The following CNBD1 variants were observed in gnomAD, a reference collection of about 807,000 sequenced individuals.
CNBD1 encodes the protein cyclic nucleotide binding domain containing 1.
A neutral mutation model predicts 54.4 loss-of-function variants in CNBD1; 71 were observed. The ratio of observed to expected loss-of-function variants is 1.30; its 90% CI spans 1.08 to 1.59. The LOEUF is 1.59. CNBD1 is among the 40% of genes most tolerant of loss of function. CNBD1 has a pLI of 0.00. For synonymous variants in CNBD1, 182 were observed against 170.7 expected (o/e 1.07, Z -0.51); for missense variants, 659 against 518.0 (o/e 1.27, Z -2.64).
intron 10 of CNBD1, among the ~76,000 whole-genome samples, chr8:87,372,350 GT>G (rs1285180443): frequency 2.0e-5 from 3 of 151,972 alleles, no homozygotes; most frequent in Non-Finnish European, 4.4e-5. Context: ...CCTACTTGCA[GT>G]TTTCACTGAG....
chr8:87,390,308 G>A (rs1241128670), intron 2 of CNBD1, among the ~76,000 whole-genome samples: 2 of 152,102 alleles, frequency 1.3e-5, no homozygotes, highest in African/African-American at 4.8e-5. Context: ...AGAGTGAACA[G>A]GCAACCTACA....
intron 1 of CNBD1, among the ~76,000 whole-genome samples, chr8:86,884,868 C>A (rs1808659236): frequency 6.6e-6 from 1 of 152,224 alleles, no homozygotes; most frequent in Non-Finnish European, 1.5e-5. Flanking sequence ...GTATGTACTC[C>A]AACTACTTTG....
At chr8:86,960,950 C>G (rs1001308719) in intron 4 of CNBD1, among the ~76,000 whole-genome samples, 1 of 152,222 alleles carries the variant, frequency 6.6e-6, no homozygotes, top group African/African-American at 2.4e-5. Flanking sequence ...AACTAACAAA[C>G]AGAACAATTT....
At chr8:87,214,789 C>T (rs1034389109) in intron 5 of CNBD1, among the ~76,000 whole-genome samples, 1 of 152,098 alleles carries the variant, frequency 6.6e-6, no homozygotes, top group Non-Finnish European at 1.5e-5. Flanking sequence ...AAAATGGAAA[C>T]CCCTTCTAAA....
At chr8:87,231,235 T>C (rs963979273) in intron 5 of CNBD1, among the ~76,000 whole-genome samples, 1 of 152,200 alleles carries the variant, frequency 6.6e-6, no homozygotes, top group Non-Finnish European at 1.5e-5. Context: ...CATATATTAC[T>C]TTGTAATGTA....
At chr8:87,373,098 TAATA>T (rs1810852396) in intron 10 of CNBD1, among the ~76,000 whole-genome samples, 1 of 151,804 alleles carries the variant, frequency 6.6e-6, no homozygotes, top group Non-Finnish European at 1.5e-5. Flanking sequence ...ATTCTTCCAG[TAATA>T]AATAAAGGCA....
intron 10 of CNBD1, among the ~76,000 whole-genome samples, chr8:87,366,303 A>G (rs1810641233): frequency 1.3e-5 from 2 of 151,960 alleles, no homozygotes; most frequent in Non-Finnish European, 2.9e-5. Flanking sequence ...AGTCCATTCA[A>G]ATTGGTAGAT....
At chr8:87,323,512 C>T in intron 8 of CNBD1, among the ~76,000 whole-genome samples, 1 of 121,322 alleles carries the variant, frequency 8.2e-6, no homozygotes, top group Non-Finnish European at 1.8e-5. Flanking sequence ...TGAAGAGGTC[C>T]TTCACATCCC....
intron 6 of CNBD1, among the ~76,000 whole-genome samples, chr8:87,275,231 G>T (rs1191681777): frequency 1.4e-5 from 2 of 141,158 alleles, no homozygotes; most frequent in Non-Finnish European, 3.1e-5. Context: ...TTGTTCTTTT[G>T]GCTTAGGATT....
intron 4 of CNBD1, among the ~76,000 whole-genome samples, chr8:86,999,123 G>A (rs963688652): frequency 1.3e-5 from 2 of 152,212 alleles, no homozygotes; most frequent in East Asian, 1.9e-4. Context: ...TCGGAAGAGT[G>A]ACCGAAGGGC....
At chr8:87,262,633 A>G (rs1199929751) in intron 6 of CNBD1, among the ~76,000 whole-genome samples, 1 of 152,122 alleles carries the variant, frequency 6.6e-6, no homozygotes, top group Non-Finnish European at 1.5e-5. Flanking sequence ...TTTTCTGGAG[A>G]ACCTTGACTA....
At chr8:86,971,469 C>T (rs1402986003) in intron 4 of CNBD1, among the ~76,000 whole-genome samples, 7 of 152,042 alleles carry the variant, frequency 4.6e-5, no homozygotes, top group Non-Finnish European at 7.4e-5. Flanking sequence ...TTTGTTTAGT[C>T]TTATGCTGAT....
At chr8:87,047,483 G>A (rs1810220230) in intron 4 of CNBD1, among the ~76,000 whole-genome samples, 1 of 152,174 alleles carries the variant, frequency 6.6e-6, no homozygotes, top group South Asian at 2.1e-4. Context: ...TCGGGTCAAA[G>A]ACTAAAAAGC....
intron 4 of CNBD1, among the ~76,000 whole-genome samples, chr8:87,199,422 A>T (rs1297234937): frequency 6.6e-6 from 1 of 152,204 alleles, no homozygotes; most frequent in African/African-American, 2.4e-5. Context: ...AAAACAACAC[A>T]AATTTGGAGG....
intron 2 of CNBD1, among the ~76,000 whole-genome samples, chr8:86,900,762 A>C (rs1168630856): frequency 1.3e-5 from 2 of 152,168 alleles, no homozygotes; most frequent in African/African-American, 4.8e-5. Flanking sequence ...TTCTCAAAGT[A>C]GGGAGAACTT....
At chr8:86,913,523 G>C (rs1809135625) in intron 3 of CNBD1, among the ~76,000 whole-genome samples, 1 of 152,130 alleles carries the variant, frequency 6.6e-6, no homozygotes, top group African/African-American at 2.4e-5. Context: ...CTGGGTGTCT[G>C]GGGGAGACAT....
intron 6 of CNBD1, among the ~76,000 whole-genome samples, chr8:87,250,570 C>T (rs1408714274): frequency 1.3e-5 from 2 of 152,278 alleles, no homozygotes; most frequent in African/African-American, 2.4e-5. Context: ...ATGGGAGCAA[C>T]ATGAGTGTCC....
At chr8:87,175,240 G>A (rs1045680567) in intron 4 of CNBD1, among the ~76,000 whole-genome samples, 2 of 152,128 alleles carry the variant, frequency 1.3e-5, no homozygotes, top group Non-Finnish European at 2.9e-5. Flanking sequence ...GTCTCACTGT[G>A]GCCAAGCTGG....
chr8:86,978,813 C>T (rs974976861), intron 4 of CNBD1, among the ~76,000 whole-genome samples: 16 of 151,990 alleles, frequency 1.1e-4, no homozygotes, highest in Non-Finnish European at 1.8e-4. Context: ...GGATTATGGG[C>T]GTGACCCACC....
Sources: gnomAD v4.1 joint callset for allele counts (sites outside exome capture counted in the v4.1 genomes callset) on GRCh38, gnomAD v4.1.1 for gene constraint, MANE v1.5 for transcripts, NCBI Gene and HGNC (gene_info 2026-07-23, HGNC 2026-07-21) for gene names.